SLC25A37: variants seen among roughly 807,000 people sequenced by gnomAD.
SLC25A37 encodes the protein solute carrier family 25 member 37, also known as mitoferrin-1.
A neutral mutation model predicts 31.0 loss-of-function variants in SLC25A37; 17 were observed. The ratio of observed to expected loss-of-function variants is 0.55; its 90% CI spans 0.38 to 0.82. The LOEUF (loss-of-function observed/expected upper bound fraction) is 0.82. Among genes scored for constraint, SLC25A37 ranks in the 40% least tolerant of loss-of-function variants. SLC25A37 has a pLI of 0.00. For synonymous variants in SLC25A37, 222 were observed against 193.0 expected (o/e 1.15, Z -1.24); for missense variants, 404 against 465.8 (o/e 0.87, Z 1.22).
intron 2 of SLC25A37, chr8:23,566,766 T>G: frequency 4.0e-6 from 4 of 992,442 alleles, no homozygotes; most frequent in Non-Finnish European, 4.8e-6. Flanking sequence ...ATTTAAAAAC[T>G]GGTACAACAG....
At chr8:23,549,572 C>T (rs890232541) in intron 1 of SLC25A37, among the ~76,000 whole-genome samples, 18 of 152,176 alleles carry the variant, frequency 1.2e-4, no homozygotes, top group Non-Finnish European at 2.4e-4. Flanking sequence ...ACCCTTAGAA[C>T]GGCAAGCCTG....
At chr8:23,530,010 T>G (rs1365873385) in intron 1 of SLC25A37, among the ~76,000 whole-genome samples, 1 of 152,106 alleles carries the variant, frequency 6.6e-6, no homozygotes, top group Non-Finnish European at 1.5e-5. Context: ...TGCATTTCTG[T>G]AAAGAGGCAG....
chr8:23,534,105 T>A (rs922903044), intron 1 of SLC25A37, among the ~76,000 whole-genome samples: 9 of 152,126 alleles, frequency 5.9e-5, no homozygotes, highest in Non-Finnish European at 1.0e-4. Context: ...CATGCCACCA[T>A]GCCTGGCTAA....
In SLC25A37 at chr8:23,571,867, A is replaced by G. The variant is rs1802859247; in HGVS notation, c.*12A>G. ...GAGCTCCATACTAAAGGAAGGGATC[A>G]TAGAATCTTTTCTTAAAGTCATTCT... is the stretch of plus-strand genomic sequence containing the variant. On this transcript the variant is annotated 3_prime_UTR_variant, in exon 4 of 4. Coordinates refer to ENST00000519973, the MANE Select transcript of SLC25A37 (RefSeq NM_016612.4). 1.9e-6 allele frequency: 3 copies of G among 1,603,374 alleles called. No homozygotes were observed. Among genetic ancestry groups the G allele is most frequent in the Non-Finnish European group, 2.6e-6 (3 of 1,171,920 alleles).
At position 23,551,397 on chromosome 8, in the gene SLC25A37, G is replaced by A. The variant is rs369098462; in HGVS notation, c.211-14711G>A. Among the ~76,000 whole-genome samples, 18 of 152,222 alleles carry A rather than the reference G, an allele frequency of 1.2e-4. No individual in the cohort carries two copies. In the East Asian group the frequency reaches 1.4e-3, roughly 11 times the overall value. ...TGGGGCCTTGGTTTCCCTTCTGTGA[G>A]TTGGGGCAGCTGAAGGGAAGGGCTG... On this transcript the variant is annotated intron_variant, in intron 1 of 3. Transcript: ENST00000519973.
chr8:23,542,085 A>C (rs1350116139), intron 1 of SLC25A37, among the ~76,000 whole-genome samples: 1 of 152,258 alleles, frequency 6.6e-6, no homozygotes, highest in African/African-American at 2.4e-5. Flanking sequence ...AATTACAGTC[A>C]GCACCACATA....
At chr8:23,556,895 G>T (rs539419745) in intron 1 of SLC25A37, among the ~76,000 whole-genome samples, 1 of 152,182 alleles carries the variant, frequency 6.6e-6, no homozygotes, top group South Asian at 2.1e-4. Context: ...CTGTCACCCA[G>T]GCTGGAGTGC....
intron 1 of SLC25A37, among the ~76,000 whole-genome samples, chr8:23,559,832 C>A (rs1374439460): frequency 6.6e-6 from 1 of 152,166 alleles, no homozygotes; most frequent in Non-Finnish European, 1.5e-5. Flanking sequence ...TCAGAATTTT[C>A]TTTCCTTTTT....
chr8:23,534,286 A>C (rs1372259944), intron 1 of SLC25A37, among the ~76,000 whole-genome samples: 2 of 151,886 alleles, frequency 1.3e-5, no homozygotes, highest in African/African-American at 4.8e-5. Context: ...ACCTTCCCTA[A>C]AGTTCCCTCA....
At chr8:23,569,839 T>C (rs1332204551) in intron 3 of SLC25A37, among the ~76,000 whole-genome samples, 1 of 152,238 alleles carries the variant, frequency 6.6e-6, no homozygotes, top group East Asian at 1.9e-4. Flanking sequence ...GGTCATTCTC[T>C]ACCTGGCGAT....
chr8:23,546,550 T>G (rs1802055355), intron 1 of SLC25A37, among the ~76,000 whole-genome samples: 1 of 15,306 alleles, frequency 6.5e-5, no homozygotes, highest in Non-Finnish European at 1.1e-4. Context: ...TATATATATA[T>G]ATAGTGTATA....
At chr8:23,554,881 G>T (rs965056534) in intron 1 of SLC25A37, among the ~76,000 whole-genome samples, 2 of 152,192 alleles carry the variant, frequency 1.3e-5, no homozygotes, top group African/African-American at 4.8e-5. Context: ...GAGCCCATCT[G>T]TCTTGCTTAC....
chr8:23,550,473 A>G (rs1802193902), intron 1 of SLC25A37, among the ~76,000 whole-genome samples: 1 of 152,228 alleles, frequency 6.6e-6, no homozygotes, highest in Non-Finnish European at 1.5e-5. Context: ...TCTGTGGATA[A>G]TAGGCTAATA....
intron 1 of SLC25A37, among the ~76,000 whole-genome samples, chr8:23,532,453 C>T (rs756007092): frequency 2.8e-4 from 43 of 152,178 alleles, no homozygotes; most frequent in Non-Finnish European, 5.1e-4. Flanking sequence ...TACAAGAACC[C>T]CTGGTCTGAT....
In SLC25A37 at chr8:23,537,186, A is replaced by G. The variant is rs1328461164; in HGVS notation, c.210+7974A>G. Reference sequence around the variant, plus strand: ...ACTCCAGCCTGGGCAACAGAGCAAGACCCTGTCTCAAAAAAAAAAAAAAAA... The same window carrying G: ...ACTCCAGCCTGGGCAACAGAGCAAGGCCCTGTCTCAAAAAAAAAAAAAAAA... On this transcript the variant is annotated intron_variant, in intron 1 of 3. Coordinates refer to ENST00000519973, the MANE Select transcript of SLC25A37 (RefSeq NM_016612.4). 1.1e-4 allele frequency among the ~76,000 whole-genome samples: 11 copies of G among 96,776 alleles called. No homozygotes were observed. In the Admixed American group the frequency reaches 1.6e-3, roughly 14 times the overall value. The allele number at this position is 96,776 out of a possible 152,430, so 63.5% of individuals were successfully genotyped here. A position where few individuals can be genotyped will look rare whatever the true frequency, so the allele number is the denominator to read the frequency against.
intron 1 of SLC25A37, among the ~76,000 whole-genome samples, chr8:23,557,491 C>T (rs1450313463): frequency 6.6e-6 from 1 of 152,174 alleles, no homozygotes; most frequent in African/African-American, 2.4e-5. Context: ...TGCTTTTCCT[C>T]CTGGGCCTCC....
intron 1 of SLC25A37, among the ~76,000 whole-genome samples, chr8:23,535,821 T>G (rs1801755946): frequency 6.6e-6 from 1 of 152,014 alleles, no homozygotes; most frequent in African/African-American, 2.4e-5. Flanking sequence ...CCATATAAAA[T>G]CATCAGATCT....
chr8:23,568,916 C>G lies in SLC25A37; in HGVS notation c.496+538C>G, dbSNP rs189708046. 1.2e-3 allele frequency: 177 copies of G among 150,848 alleles called. 1 individual carries two copies. Among genetic ancestry groups the G allele is most frequent in the Non-Finnish European group, 1.8e-3 (127 of 68,706 alleles). 9.3% of individuals were successfully genotyped at this position (150,848 alleles called of 1,614,324 possible). On this transcript the variant is annotated intron_variant, in intron 3 of 3. Transcript: ENST00000519973. ...CGAGAGTACGCCACTGTACTCCAGCCTGGGCCACAGAGCCAGACTCCATCT... is the reference window on the plus strand; with the variant it reads ...CGAGAGTACGCCACTGTACTCCAGCGTGGGCCACAGAGCCAGACTCCATCT...
chr8:23,568,350 C>G lies in SLC25A37; in HGVS notation c.468C>G (p.Leu156=). 1 of 1,613,788 alleles carries G rather than the reference C, an allele frequency of 6.2e-7. No individual in the cohort carries two copies. Among genetic ancestry groups the G allele is most frequent in the Non-Finnish European group, 8.5e-7 (1 of 1,179,862 alleles). The change falls in exon 3 of 4, where the codon CTC becomes CTG. Residue 156 remains leucine (L), a synonymous_variant. Coordinates refer to ENST00000519973, the MANE Select transcript of SLC25A37 (RefSeq NM_016612.4). The part of the protein sequence containing the change: ...NGIAGSMATL[L]HDAVMNPAEV... ...TAGCTGGGAGTATGGCCACCCTGCT[C>G]CACGATGCGGTAATGAATCCAGCAG... is the stretch of plus-strand genomic sequence containing the variant.
Sources: allele counts gnomAD v4.1 joint callset (sites outside exome capture counted in the v4.1 genomes callset), GRCh38; gene constraint gnomAD v4.1.1; transcripts MANE v1.5; gene names NCBI Gene and HGNC (gene_info 2026-07-23, HGNC 2026-07-21).